MAP1B: variants seen among roughly 807,000 people sequenced by gnomAD.
MAP1B encodes microtubule-associated protein 1B.
A neutral mutation model predicts 176.1 loss-of-function variants in MAP1B; 12 were observed. The observed-to-expected ratio is 0.07, with a 90% confidence interval of 0.04 to 0.11. The LOEUF (loss-of-function observed/expected upper bound fraction) is 0.11, where lower values mean the gene tolerates loss of function less well. MAP1B is among the 10% of genes least tolerant of loss of function. The pLI, the probability that MAP1B is intolerant of heterozygous loss-of-function variation, is 1.00. For synonymous variants in MAP1B, 1,044 were observed against 1,135.0 expected (o/e 0.92, Z 1.61); for missense variants, 2,523 against 2,990.5 (o/e 0.84, Z 3.65).
At chr5:72,182,246 C>T (rs1383009556) in intron 2 of MAP1B, among the ~76,000 whole-genome samples, 1 of 152,158 alleles carries the variant, frequency 6.6e-6, no homozygotes, top group Non-Finnish European at 1.5e-5. Flanking sequence ...ATTCCCCTTC[C>T]CTTAGTCCCT....
chr5:72,151,250 C>T (rs1746134224), intron 2 of MAP1B, among the ~76,000 whole-genome samples: 1 of 152,112 alleles, frequency 6.6e-6, no homozygotes, highest in Admixed American at 6.5e-5. Context: ...CCCATCTTGC[C>T]AGAACCAGGA....
Position 72,164,993 on chromosome 5 carries a change from T to C in MAP1B, c.287-18750T>C, listed in dbSNP as rs185771032. On this transcript the variant is annotated intron_variant, in intron 2 of 6. Transcript: ENST00000296755. Reference sequence around the variant, plus strand: ...GTTTACCTGTTAGCAATTGGACATATATGTCTTGTATGATACAGTGCCCTA... The same window carrying C: ...GTTTACCTGTTAGCAATTGGACATACATGTCTTGTATGATACAGTGCCCTA... 1.5e-3 allele frequency among the ~76,000 whole-genome samples: 225 copies of C among 152,268 alleles called. 1 individual carries two copies. The highest frequency in any genetic ancestry group is 5.1e-3 in the African/African-American group (210 of 41,546).
At position 72,195,140 on chromosome 5, in the gene MAP1B, A is replaced by C; in HGVS notation, c.1785A>C (p.Lys595Asn). The stretch of plus-strand genomic sequence containing the variant: ...TGGTGAAAAAAGACAAGCCAATAAA[A>C]ACAGAGACCAAACCTTCAGTGACTG... ...KVMVKKDKPI[K>N]TETKPSVTEK... is the part of the protein sequence containing the mutation. Residue 595 changes from lysine to asparagine, a missense_variant, in exon 5 of 7, where the codon AAA (lysine) becomes AAC (asparagine). Lys to Asn is a moderately conservative substitution (Grantham distance 94, BLOSUM62 0). This residue lies in a region of MAP1B where 1,925 missense variants were observed against 2,126.0 expected (regional missense o/e 0.91). Coordinates refer to ENST00000296755, the MANE Select transcript of MAP1B (RefSeq NM_005909.5). 1.9e-6 allele frequency: 3 copies of C among 1,613,692 alleles called. No homozygotes were observed. The highest frequency in any genetic ancestry group is 2.5e-6 in the Non-Finnish European group (3 of 1,179,780).
At chr5:72,185,129 C>T (rs1746866247) in intron 3 of MAP1B, among the ~76,000 whole-genome samples, 1 of 152,312 alleles carries the variant, frequency 6.6e-6, no homozygotes, top group Admixed American at 6.5e-5. Context: ...TAGCATGTGT[C>T]AGTACTGCAT....
chr5:72,117,136 T>TTTTTTTTTTTTTTTTTTTTTTTTTG (rs1372036714), intron 2 of MAP1B, among the ~76,000 whole-genome samples: 1 of 151,704 alleles, frequency 6.6e-6, no homozygotes, highest in Admixed American at 6.6e-5. Flanking sequence ...AATCAGTTTT[T>TTTTTTTTTTTTTTTTTTTTTTTTTG]AAGTAACTTT....
At chr5:72,170,069 GA>G (rs1481977289) in intron 2 of MAP1B, among the ~76,000 whole-genome samples, 18 of 152,298 alleles carry the variant, frequency 1.2e-4, no homozygotes, top group African/African-American at 3.9e-4. Flanking sequence ...CAACTGGCAT[GA>G]ATATCTGATT....
chr5:72,203,855 A>G (rs536211078), intron 6 of MAP1B, 54 bp downstream of exon 6: 6 of 1,537,864 alleles, frequency 3.9e-6, no homozygotes, highest in Non-Finnish European at 5.4e-6. Flanking sequence ...TCCAGAGGCA[A>G]TGGGAAGGAA....
chr5:72,155,766 C>CTTTTTTTT lies in MAP1B; in HGVS notation c.287-27966_287-27959dup, dbSNP rs11330287. 2.4e-4 allele frequency among the ~76,000 whole-genome samples: 30 copies of CTTTTTTTT among 126,556 alleles called. 1 individual carries two copies. The highest frequency in any genetic ancestry group is 6.7e-4 in the Admixed American group (8 of 11,978). The allele number at this position is 126,556 out of a possible 152,430, so 83.0% of individuals were successfully genotyped here. A position where few individuals can be genotyped will look rare whatever the true frequency, so the allele number is the denominator to read the frequency against. On this transcript the variant is annotated intron_variant, in intron 2 of 6. Transcript: ENST00000296755. ...GTAATTGATTGATTGATTTTCTTTT[C>CTTTTTTTT]TTTTTTTTTTTTTTTTTTGAGACGG...
At chr5:72,188,986 A>G (rs79939802) in intron 4 of MAP1B, among the ~76,000 whole-genome samples, 2,472 of 152,266 alleles carry the variant, frequency 0.016, 51 homozygotes, top group African/African-American at 0.051. Flanking sequence ...GTTGCCTTGG[A>G]AAAATGGTTG....
rs539552346 is a variant in MAP1B at position 72,186,115 on chromosome 5, T to TGGGA, written c.370-495_370-492dup. On this transcript the variant is annotated intron_variant, in intron 3 of 6. Coordinates refer to ENST00000296755, the MANE Select transcript of MAP1B (RefSeq NM_005909.5). This position sits in a 1 kb window ranked among gnomAD's most constrained non-coding sequence, Gnocchi z 4.3. ...TTGCTGCACGCCTTGGAAGGGCATA[T>TGGGA]GGGAGGGGTTGGTTTGGGACCCTAG... 9.2e-5 allele frequency among the ~76,000 whole-genome samples: 14 copies of TGGGA among 152,132 alleles called. No individual in the cohort carries two copies. The highest frequency in any genetic ancestry group is 1.6e-4 in the Non-Finnish European group (11 of 68,014).
rs114151567 is a variant in MAP1B, at chr5:72,112,173, C to G, written c.185-3525C>G. Among the ~76,000 whole-genome samples the G allele has an allele frequency of 4.2e-3, 640 of 152,234 alleles. 4 individuals are homozygous for G. The highest frequency in any genetic ancestry group is 0.015 in the African/African-American group (615 of 41,526). On this transcript the variant is annotated intron_variant, in intron 1 of 6. Transcript: ENST00000296755. ...GGTACTTGGAAAAAATATCCAAAAGCCTGTTTTTCAGAGGGAGCAACTAAA... is the reference window on the plus strand; with the variant it reads ...GGTACTTGGAAAAAATATCCAAAAGGCTGTTTTTCAGAGGGAGCAACTAAA...
chr5:72,119,498 T>C (rs1405483693), intron 2 of MAP1B, among the ~76,000 whole-genome samples: 1 of 152,162 alleles, frequency 6.6e-6, no homozygotes, highest in Non-Finnish European at 1.5e-5. Context: ...AGAGCAACAG[T>C]CTTTTGTTGT....
chr5:72,129,980 C>T (rs1745699530), intron 2 of MAP1B, among the ~76,000 whole-genome samples: 1 of 152,166 alleles, frequency 6.6e-6, no homozygotes, highest in Non-Finnish European at 1.5e-5. Flanking sequence ...AATTAACTCT[C>T]TCCAGGGGTC....
At chr5:72,138,402 G>A (rs1229054610) in intron 2 of MAP1B, among the ~76,000 whole-genome samples, 1 of 152,040 alleles carries the variant, frequency 6.6e-6, no homozygotes, top group Non-Finnish European at 1.5e-5. Context: ...GACAAGATAG[G>A]CACCTTCATA....
At chr5:72,150,239 C>T (rs1336836985) in intron 2 of MAP1B, among the ~76,000 whole-genome samples, 2 of 152,236 alleles carry the variant, frequency 1.3e-5, no homozygotes, top group Non-Finnish European at 2.9e-5. Flanking sequence ...ATATGAATTA[C>T]TGACTCAGAA....
chr5:72,143,851 T>C (rs1745995730), intron 2 of MAP1B, among the ~76,000 whole-genome samples: 1 of 151,942 alleles, frequency 6.6e-6, no homozygotes, highest in Admixed American at 6.5e-5. Flanking sequence ...CATGCCCAGC[T>C]AATTTATTTA....
Position 72,205,876 on chromosome 5 carries a change from GAAC to G in MAP1B, c.*642_*644del, listed in dbSNP as rs1213882414. 6.6e-6 allele frequency: 1 copy of G among 152,416 alleles called. No individual in the cohort carries two copies. The highest frequency in any genetic ancestry group is 1.5e-5 in the Non-Finnish European group (1 of 68,092). 9.4% of individuals were successfully genotyped at this position (152,416 alleles called of 1,614,324 possible). On this transcript the variant is annotated 3_prime_UTR_variant, in exon 7 of 7. Coordinates refer to ENST00000296755, the MANE Select transcript of MAP1B (RefSeq NM_005909.5). Reference sequence around the variant, plus strand: ...CAAGTTGGCTAGAAGAAAGTAAAAAGAACAACACTTGTTATGAGGGCATGTGAT... The same window carrying G: ...CAAGTTGGCTAGAAGAAAGTAAAAAGAACACTTGTTATGAGGGCATGTGAT...
At chr5:72,187,674 C>T (rs544770248) in intron 4 of MAP1B, among the ~76,000 whole-genome samples, 9 of 152,232 alleles carry the variant, frequency 5.9e-5, no homozygotes, top group East Asian at 1.9e-4. Flanking sequence ...TGAAGGGCCA[C>T]GTGTCCTTCT....
chr5:72,126,445 G>T (rs1439154129), intron 2 of MAP1B, among the ~76,000 whole-genome samples: 1 of 152,182 alleles, frequency 6.6e-6, no homozygotes, highest in Non-Finnish European at 1.5e-5. Flanking sequence ...GGCATAAATT[G>T]TATGTGTATA....
Sources: gnomAD v4.1 joint callset for allele counts (sites outside exome capture counted in the v4.1 genomes callset) on GRCh38, gnomAD v4.1.1 for gene constraint, gnomAD v4.1.1 regional missense constraint, Gnocchi (gnomAD v3.1) non-coding constraint, MANE v1.5 for transcripts, NCBI Gene and HGNC (gene_info 2026-07-23, HGNC 2026-07-21) for gene names.